CCDC178: variants seen among roughly 807,000 people sequenced by gnomAD.
CCDC178 encodes the protein coiled-coil domain-containing protein 178.
In CCDC178, 126 loss-of-function variants were observed where a neutral mutation model predicts 117.4. The observed-to-expected ratio is 1.07, with a 90% CI of 0.93 to 1.24. The LOEUF (loss-of-function observed/expected upper bound fraction) is 1.24. Among genes scored for constraint, CCDC178 ranks in the 50% most tolerant of loss-of-function variants. The probability of loss-of-function intolerance (pLI) is 0.00; values close to 1 mark genes in which losing one functional copy is unlikely to be tolerated. For synonymous variants in CCDC178, 283 were observed against 313.4 expected (o/e 0.90, Z 1.02); for missense variants, 1,030 against 986.9 (o/e 1.04, Z -0.59).
chr18:33,079,904 A>C (rs1259884783), intron 21 of CCDC178, among the ~76,000 whole-genome samples: 2 of 152,188 alleles, frequency 1.3e-5, no homozygotes, highest in Non-Finnish European at 2.9e-5. Flanking sequence ...CTAACATTTC[A>C]CTCAGCAATT....
At chr18:33,361,808 T>C (rs1217932746) in intron 6 of CCDC178, among the ~76,000 whole-genome samples, 1 of 151,738 alleles carries the variant, frequency 6.6e-6, no homozygotes, top group African/African-American at 2.4e-5. Flanking sequence ...AGATAAATGT[T>C]GGTGAGGGTA....
intron 21 of CCDC178, among the ~76,000 whole-genome samples, chr18:32,991,944 G>GTGTTGTGTT (rs2055403815): frequency 6.6e-6 from 1 of 152,186 alleles, no homozygotes; most frequent in African/African-American, 2.4e-5. Context: ...TTTAGATAGT[G>GTGTTGTGTT]TGTTGTGTTT....
intron 6 of CCDC178, among the ~76,000 whole-genome samples, chr18:33,365,545 T>G (rs2063191399): frequency 6.6e-6 from 1 of 152,136 alleles, no homozygotes; most frequent in Non-Finnish European, 1.5e-5. Context: ...AAGAATTCAA[T>G]GAAATTATGC....
chr18:33,138,043 T>C (rs1256272288), intron 20 of CCDC178, among the ~76,000 whole-genome samples: 1 of 152,240 alleles, frequency 6.6e-6, no homozygotes, highest in Non-Finnish European at 1.5e-5. Context: ...ATGAAAATAA[T>C]AATGCCTAAC....
chr18:33,325,187 T>C (rs1269091485), intron 10 of CCDC178, among the ~76,000 whole-genome samples: 1 of 151,860 alleles, frequency 6.6e-6, no homozygotes, highest in Non-Finnish European at 1.5e-5. Context: ...TTGTGTGAAA[T>C]AGTTCTTTAT....
chr18:33,278,397 G>A (rs1472898300), intron 12 of CCDC178, among the ~76,000 whole-genome samples: 2 of 150,886 alleles, frequency 1.3e-5, no homozygotes, highest in East Asian at 3.9e-4. Context: ...TGAAATAGTT[G>A]AGGAGTAACA....
intron 18 of CCDC178, among the ~76,000 whole-genome samples, chr18:33,216,785 G>A (rs780816814): frequency 6.6e-6 from 1 of 151,864 alleles, no homozygotes; most frequent in Non-Finnish European, 1.5e-5. Flanking sequence ...ATAAATAAAA[G>A]GATTTTTTCT....
intron 20 of CCDC178, among the ~76,000 whole-genome samples, chr18:33,100,952 C>T (rs1598883648): frequency 6.6e-6 from 1 of 151,662 alleles, no homozygotes; most frequent in Admixed American, 6.6e-5. Context: ...AATCTATATC[C>T]CCAATGATGT....
intron 20 of CCDC178, among the ~76,000 whole-genome samples, chr18:33,111,322 A>C (rs781038078): frequency 2.0e-5 from 3 of 151,616 alleles, no homozygotes; most frequent in Non-Finnish European, 3.0e-5. Flanking sequence ...TGTACAAATA[A>C]TGTTCTCATA....
chr18:33,004,432 A>G (rs941952225), intron 21 of CCDC178, among the ~76,000 whole-genome samples: 2 of 152,126 alleles, frequency 1.3e-5, no homozygotes, highest in African/African-American at 4.8e-5. Flanking sequence ...AGTTATCTAT[A>G]TGCAGAAGAA....
At chr18:33,292,179 C>T (rs2060174060) in intron 12 of CCDC178, among the ~76,000 whole-genome samples, 1 of 152,156 alleles carries the variant, frequency 6.6e-6, no homozygotes, top group African/African-American at 2.4e-5. Flanking sequence ...TGAAATCAAC[C>T]TGCTTCCATC....
At chr18:33,119,176 A>G (rs1388488800) in intron 20 of CCDC178, among the ~76,000 whole-genome samples, 3 of 152,226 alleles carry the variant, frequency 2.0e-5, no homozygotes, top group African/African-American at 4.8e-5. Flanking sequence ...ACAAAAGCCA[A>G]AATTGACAAA....
At chr18:32,954,815 G>A (rs1193406200) in intron 22 of CCDC178, among the ~76,000 whole-genome samples, 4 of 151,912 alleles carry the variant, frequency 2.6e-5, no homozygotes. Flanking sequence ...AAGGAGGGAA[G>A]AAAAGAATGA....
intron 11 of CCDC178, among the ~76,000 whole-genome samples, chr18:33,307,420 T>C (rs1244179686): frequency 6.6e-6 from 1 of 152,158 alleles, no homozygotes; most frequent in Non-Finnish European, 1.5e-5. Context: ...CTGTGGAACT[T>C]TGAACTTGAG....
chr18:33,323,562 C>CAGATTGAAG lies in CCDC178; in HGVS notation c.950_951insCTTCAATCT (p.Arg316_Leu317insPhePheAsn). The CAGATTGAAG allele has an allele frequency of 6.3e-7, 1 of 1,576,288 alleles. No individual in the cohort carries two copies. Among genetic ancestry groups the CAGATTGAAG allele is most frequent in the Non-Finnish European group, 8.6e-7 (1 of 1,160,362 alleles). ...TCTCTTCTTTAATTTGCTGAGCCTT[C>CAGATTGAAG]AATCTGGCATTTTCACAGGCTTCTA... On this transcript the variant is annotated inframe_insertion, in exon 11 of 23. Coordinates refer to ENST00000383096, the MANE Select transcript of CCDC178 (RefSeq NM_001105528.4).
chr18:33,256,278 T>C (rs9961385), intron 14 of CCDC178, among the ~76,000 whole-genome samples: 10,217 of 151,982 alleles, frequency 0.067, 505 homozygotes, highest in African/African-American at 0.14. Flanking sequence ...GTCTATAGAC[T>C]AAAAAGATAA....
At chr18:33,357,659 C>G (rs949347171) in intron 6 of CCDC178, among the ~76,000 whole-genome samples, 4 of 151,964 alleles carry the variant, frequency 2.6e-5, no homozygotes, top group Admixed American at 2.6e-4. Context: ...TCTAAGAGTA[C>G]CTTGGGTTGT....
At chr18:33,389,660 G>A in intron 4 of CCDC178, 31 bp from the exon 5 acceptor site, 1 of 1,164,994 alleles carries the variant, frequency 8.6e-7, no homozygotes, top group Non-Finnish European at 1.2e-6. Flanking sequence ...ATATTTTAGT[G>A]AGTAGTTAAT....
chr18:33,065,955 G>A (rs1306334434), intron 21 of CCDC178, among the ~76,000 whole-genome samples: 6 of 149,746 alleles, frequency 4.0e-5, no homozygotes, highest in East Asian at 4.0e-4. Context: ...TCTGCCTCCC[G>A]GGTTCACGCC....
Sources: gnomAD v4.1 joint callset for allele counts (sites outside exome capture counted in the v4.1 genomes callset) on GRCh38, gnomAD v4.1.1 for gene constraint, MANE v1.5 for transcripts, NCBI Gene and HGNC (gene_info 2026-07-23, HGNC 2026-07-21) for gene names.